Variants in CSMD1 observed in about 807,000 individuals in gnomAD.
CSMD1 encodes the protein CUB and sushi domain-containing protein 1.
Under a neutral mutation model 417.5 loss-of-function variants are expected in CSMD1, and 213 were observed. The observed-to-expected ratio is 0.51, with a 90% CI of 0.46 to 0.57. The LOEUF (loss-of-function observed/expected upper bound fraction) is 0.57, where lower values mean the gene tolerates loss of function less well. Among genes scored for constraint, CSMD1 ranks in the 20% least tolerant of loss-of-function variants. The pLI is 0.00. For synonymous variants in CSMD1, 2,862 were observed against 1,736.8 expected, an observed-to-expected ratio of 1.65 and a Z score of -16.11; for missense variants, 6,923 against 4,529.7, an observed-to-expected ratio of 1.53 and a Z score of -15.17.
At chr8:4,097,538 T>C (rs1801082852) in intron 3 of CSMD1, among the ~76,000 whole-genome samples, 1 of 152,184 alleles carries the variant, frequency 6.6e-6, no homozygotes, top group Non-Finnish European at 1.5e-5. Context: ...CAGATTCACC[T>C]CAAGACAGAA....
At chr8:4,635,342 C>A (rs962336403) in intron 2 of CSMD1, among the ~76,000 whole-genome samples, 1 of 151,902 alleles carries the variant, frequency 6.6e-6, no homozygotes, top group African/African-American at 2.4e-5. Context: ...GCTGTCGATC[C>A]TGTTATAATA....
At chr8:4,675,303 A>C (rs929973517) in intron 1 of CSMD1, among the ~76,000 whole-genome samples, 1 of 152,194 alleles carries the variant, frequency 6.6e-6, no homozygotes, top group Non-Finnish European at 1.5e-5. Flanking sequence ...GCCTAAAGAG[A>C]GTTATCAACA....
At chr8:4,074,867 A>T (rs1799741053) in intron 3 of CSMD1, among the ~76,000 whole-genome samples, 1 of 152,074 alleles carries the variant, frequency 6.6e-6, no homozygotes, top group African/African-American at 2.4e-5. Flanking sequence ...CTCCTCCAGA[A>T]TGCACACTCC....
chr8:4,385,364 C>T (rs1251388451), intron 3 of CSMD1, among the ~76,000 whole-genome samples: 2 of 152,226 alleles, frequency 1.3e-5, no homozygotes, highest in Admixed American at 6.5e-5. Flanking sequence ...AAATAACCGA[C>T]GTGGCCCCAG....
At chr8:3,838,225 T>C (rs1043398237) in intron 5 of CSMD1, among the ~76,000 whole-genome samples, 7 of 151,838 alleles carry the variant, frequency 4.6e-5, no homozygotes, top group Non-Finnish European at 5.9e-5. Context: ...CAGAAATATA[T>C]AGTACAACCT....
rs149012432 is a variant in CSMD1 at position 4,392,549 on chromosome 8, A to C, written c.415+27404T>G. Among the ~76,000 whole-genome samples, 598 of 152,250 alleles carry C rather than the reference A, an allele frequency of 3.9e-3. 2 individuals carry two copies. Among genetic ancestry groups the C allele is most frequent in the African/African-American group, 0.014 (570 of 41,542 alleles). On this transcript the variant is annotated intron_variant, in intron 3 of 69. Transcript: ENST00000635120. ...GATGGGAGTGTCATTGGTCACTAGGAAACTTAAATATAAAAACTTGTGTAA... is the reference window on the plus strand; with the variant it reads ...GATGGGAGTGTCATTGGTCACTAGGCAACTTAAATATAAAAACTTGTGTAA...
chr8:3,323,683 C>G (rs1328417373), intron 23 of CSMD1, among the ~76,000 whole-genome samples: 3 of 152,222 alleles, frequency 2.0e-5, no homozygotes, highest in African/African-American at 7.2e-5. Flanking sequence ...ACAGATGAAG[C>G]AGCAGGTAAG....
intron 3 of CSMD1, among the ~76,000 whole-genome samples, chr8:4,273,475 G>T (rs1804728134): frequency 6.6e-6 from 1 of 152,048 alleles, no homozygotes; most frequent in African/African-American, 2.4e-5. Flanking sequence ...TATAATAAAT[G>T]CCTAATAAAC....
At chr8:4,615,664 T>C (rs1420234455) in intron 2 of CSMD1, among the ~76,000 whole-genome samples, 2 of 152,144 alleles carry the variant, frequency 1.3e-5, no homozygotes, top group Non-Finnish European at 2.9e-5. Context: ...GTGTAAGGTG[T>C]TATTTCCTTA....
At chr8:3,993,348 C>T (rs546544522) in intron 5 of CSMD1, among the ~76,000 whole-genome samples, 2 of 152,288 alleles carry the variant, frequency 1.3e-5, no homozygotes, top group South Asian at 4.1e-4. Flanking sequence ...GCATGTTCCT[C>T]TATAATTCTC....
intron 1 of CSMD1, among the ~76,000 whole-genome samples, chr8:4,753,607 C>T (rs941132053): frequency 6.6e-6 from 1 of 152,192 alleles, no homozygotes; most frequent in African/African-American, 2.4e-5. Flanking sequence ...GACATCCTCA[C>T]AGTATCAGGC....
intron 3 of CSMD1, among the ~76,000 whole-genome samples, chr8:4,121,173 G>A (rs879885541): frequency 6.6e-6 from 1 of 151,894 alleles, no homozygotes; most frequent in Non-Finnish European, 1.5e-5. Flanking sequence ...GGAGTGCAAT[G>A]GCACGATCTT....
chr8:3,654,323 T>A (rs1015711048), intron 7 of CSMD1, among the ~76,000 whole-genome samples: 1 of 152,298 alleles, frequency 6.6e-6, no homozygotes, highest in South Asian at 2.1e-4. Context: ...ATGTAATAAT[T>A]CATACTAGAG....
At chr8:3,459,625 A>G (rs1293787528) in intron 12 of CSMD1, among the ~76,000 whole-genome samples, 2 of 152,130 alleles carry the variant, frequency 1.3e-5, no homozygotes, top group South Asian at 2.1e-4. Flanking sequence ...CCACCACTGA[A>G]GGGTAACTCC....
intron 1 of CSMD1, chr8:4,788,328 T>C: frequency 6.4e-7 from 1 of 1,560,272 alleles, no homozygotes; most frequent in South Asian, 1.2e-5. Context: ...ACCAGTGATG[T>C]CTGGGAACAC....
chr8:2,951,465 T>C (rs1162297517), intron 65 of CSMD1, among the ~76,000 whole-genome samples, 190 bp from the exon 66 acceptor site: 2 of 152,154 alleles, frequency 1.3e-5, no homozygotes, highest in African/African-American at 4.8e-5. Flanking sequence ...GTGCGAAGAT[T>C]ATTATGGTAT....
chr8:3,549,278 G>C (rs116791027), intron 10 of CSMD1, among the ~76,000 whole-genome samples: 1 of 152,354 alleles, frequency 6.6e-6, no homozygotes, highest in South Asian at 2.1e-4. Context: ...GCCAGTGACT[G>C]TGTGTCCTGC....
chr8:4,127,507 C>T (rs1166444712), intron 3 of CSMD1, among the ~76,000 whole-genome samples: 1 of 147,752 alleles, frequency 6.8e-6, no homozygotes, highest in African/African-American at 2.5e-5. Context: ...ACTTCAACTG[C>T]AGACTTCTCC....
At chr8:4,103,969 T>G (rs1370573103) in intron 3 of CSMD1, among the ~76,000 whole-genome samples, 1 of 152,194 alleles carries the variant, frequency 6.6e-6, no homozygotes, top group Non-Finnish European at 1.5e-5. Context: ...TGCAGACGCG[T>G]GAGCTCCTGA....
Sources: gnomAD v4.1 joint callset for allele counts (sites outside exome capture counted in the v4.1 genomes callset) on GRCh38, gnomAD v4.1.1 for gene constraint, MANE v1.5 for transcripts, NCBI Gene and HGNC (gene_info 2026-07-23, HGNC 2026-07-21) for gene names.